Variants in DORIP1 observed in about 807,000 individuals in gnomAD.
DORIP1 encodes dopamine receptor-interacting protein 1.
At chr14:44,898,550 TAAATC>T in the DORIP1 span, among the ~76,000 whole-genome samples, 7 of 152,216 alleles carry the variant, frequency 4.6e-5, no homozygotes, top group African/African-American at 1.4e-4. Flanking sequence ...TCAACGGAAA[TAAATC>T]AAACCATAAA....
At chr14:44,904,661 A>C in the DORIP1 span, 8 of 991,330 alleles carry the variant, frequency 8.1e-6, no homozygotes, top group Non-Finnish European at 8.4e-6. Context: ...ATGTATTCTG[A>C]ATAGAATCAG....
chr14:44,904,186 C>T, the DORIP1 span: 103 of 985,292 alleles, frequency 1.0e-4, no homozygotes, highest in African/African-American at 1.7e-3. Flanking sequence ...TTAAACGTGT[C>T]ATTTCTAGTG....
chr14:44,905,384 C>G, the DORIP1 span: 2 of 1,525,470 alleles, frequency 1.3e-6, no homozygotes, highest in Non-Finnish European at 1.8e-6. Flanking sequence ...TTGGAAGGTG[C>G]CACATTATTT....
chr14:44,907,132 T>C, the DORIP1 span: 1 of 152,642 alleles, frequency 6.6e-6, no homozygotes, highest in Non-Finnish European at 1.5e-5. Flanking sequence ...TTTGGAATAC[T>C]AGTTTATCAT....
chr14:44,898,704 A>G, the DORIP1 span, among the ~76,000 whole-genome samples: 2 of 152,178 alleles, frequency 1.3e-5, no homozygotes, highest in Non-Finnish European at 2.9e-5. Context: ...CTTCTTCCTA[A>G]GTGGATGACT....
chr14:44,905,445 G>T, the DORIP1 span: 1 of 1,573,828 alleles, frequency 6.4e-7, no homozygotes, highest in South Asian at 1.2e-5. Context: ...GTGGACATTG[G>T]ATGCACTATG....
chr14:44,898,653 C>CT, the DORIP1 span, among the ~76,000 whole-genome samples: 1 of 152,044 alleles, frequency 6.6e-6, no homozygotes, highest in Non-Finnish European at 1.5e-5. Flanking sequence ...TACGAAGAAA[C>CT]TGAGTTTGTG....
chr14:44,901,996 A>AT, the DORIP1 span, among the ~76,000 whole-genome samples: 3 of 152,186 alleles, frequency 2.0e-5, no homozygotes, highest in Non-Finnish European at 4.4e-5. Flanking sequence ...ACCCAAATGC[A>AT]TTTTTGGCAG....
the DORIP1 span, among the ~76,000 whole-genome samples, chr14:44,902,886 CTCT>C: frequency 6.6e-6 from 1 of 152,108 alleles, no homozygotes; most frequent in South Asian, 2.1e-4. Flanking sequence ...TCAGCTGCTC[CTCT>C]GATTCTGGGT....
chr14:44,905,750 T>C, the DORIP1 span: 11 of 343,498 alleles, frequency 3.2e-5, no homozygotes, highest in Non-Finnish European at 3.1e-5. Context: ...TTATATTTCC[T>C]GAGTTATTTT....
the DORIP1 span, chr14:44,904,038 CAATT>C: frequency 4.1e-6 from 4 of 984,312 alleles, no homozygotes; most frequent in Non-Finnish European, 4.8e-6. Context: ...CAAAAGGAAG[CAATT>C]AGAGTCATAT....
the DORIP1 span, chr14:44,906,794 G>A: frequency 6.6e-6 from 1 of 152,578 alleles, no homozygotes; most frequent in African/African-American, 2.4e-5. Flanking sequence ...AACTGCTAAA[G>A]TGCTTGGTGC....
the DORIP1 span, among the ~76,000 whole-genome samples, chr14:44,897,777 G>C: frequency 6.6e-6 from 1 of 152,174 alleles, no homozygotes; most frequent in Non-Finnish European, 1.5e-5. Context: ...GCTGCCCAGG[G>C]CCAGGGTGGG....
the DORIP1 span, among the ~76,000 whole-genome samples, chr14:44,897,777 G>T: frequency 6.6e-6 from 1 of 152,174 alleles, no homozygotes; most frequent in Non-Finnish European, 1.5e-5. Context: ...GCTGCCCAGG[G>T]CCAGGGTGGG....
chr14:44,897,586 C>T, the DORIP1 span: 20 of 167,494 alleles, frequency 1.2e-4, no homozygotes, highest in African/African-American at 4.1e-4. Flanking sequence ...GAGTTTGCTT[C>T]CTGGTGGACG....
At chr14:44,904,290 T>C in the DORIP1 span, 1 of 1,495,148 alleles carries the variant, frequency 6.7e-7, no homozygotes, top group South Asian at 1.5e-5. Context: ...CCTACACCTA[T>C]AATAGATAAT....
At chr14:44,903,507 C>A in the DORIP1 span, 12 of 1,154,396 alleles carry the variant, frequency 1.0e-5, no homozygotes, top group Non-Finnish European at 1.3e-5. Context: ...TTTTTTCCCC[C>A]CCCACTGCTG....
the DORIP1 span, among the ~76,000 whole-genome samples, chr14:44,898,202 C>A: frequency 3.4e-4 from 52 of 152,320 alleles, no homozygotes; most frequent in Non-Finnish European, 5.6e-4. Context: ...AAGCTCTTCA[C>A]AGCTATCTTT....
the DORIP1 span, chr14:44,899,435 T>C: frequency 6.6e-6 from 1 of 152,220 alleles, no homozygotes; most frequent in African/African-American, 2.4e-5. Context: ...CAATTCTCAG[T>C]TGCAAATAAA....
Sources: allele counts gnomAD v4.1 joint callset (sites outside exome capture counted in the v4.1 genomes callset), GRCh38; gene constraint gnomAD v4.1.1; transcripts MANE v1.5; gene names NCBI Gene and HGNC (gene_info 2026-07-23, HGNC 2026-07-21).